FSTL5: variants seen among roughly 807,000 people sequenced by gnomAD.
FSTL5 encodes follistatin-related protein 5.
In FSTL5, 62 loss-of-function variants were observed where a neutral mutation model predicts 89.1. The observed-to-expected ratio is 0.70, with a 90% CI of 0.57 to 0.86. FSTL5 has a LOEUF of 0.86. FSTL5 is among the 40% of genes least tolerant of loss of function. The pLI is 0.00. For synonymous variants in FSTL5, 383 were observed against 346.2 expected, an observed-to-expected ratio of 1.11 and a Z score of -1.18; for missense variants, 1,057 against 1,001.6, an observed-to-expected ratio of 1.06 and a Z score of -0.75.
chr4:161,582,774 T>A (rs771721639), intron 8 of FSTL5, among the ~76,000 whole-genome samples: 25 of 152,218 alleles, frequency 1.6e-4, no homozygotes, highest in Non-Finnish European at 3.2e-4. Context: ...GTTAACATAA[T>A]CTTTATATTG....
chr4:161,469,278 T>C (rs1733852777), intron 13 of FSTL5, among the ~76,000 whole-genome samples: 1 of 152,218 alleles, frequency 6.6e-6, no homozygotes, highest in Non-Finnish European at 1.5e-5. Context: ...GGCTGTATAA[T>C]ATTCCATTGC....
chr4:161,893,521 A>G (rs1003280101), intron 4 of FSTL5, among the ~76,000 whole-genome samples: 1 of 152,176 alleles, frequency 6.6e-6, no homozygotes, highest in Non-Finnish European at 1.5e-5. Flanking sequence ...AACCACTGGC[A>G]TTATCAGAAT....
chr4:161,975,087 A>C (rs359482), intron 3 of FSTL5, among the ~76,000 whole-genome samples: 27,335 of 132,956 alleles, frequency 0.21, 3,062 homozygotes, highest in African/African-American at 0.36. Context: ...GGCAATCATT[A>C]AAAAGTCAGG....
intron 6 of FSTL5, among the ~76,000 whole-genome samples, chr4:161,700,407 A>G (rs1018597646): frequency 4.6e-5 from 7 of 152,206 alleles, no homozygotes; most frequent in Non-Finnish European, 1.0e-4. Flanking sequence ...AAAAAGAATT[A>G]TATGCCTACT....
At chr4:162,080,547 T>C (rs1217420110) in intron 2 of FSTL5, among the ~76,000 whole-genome samples, 1 of 151,696 alleles carries the variant, frequency 6.6e-6, no homozygotes, top group African/African-American at 2.4e-5. Flanking sequence ...TAAAGTTTTA[T>C]AAACTGTGCC....
chr4:161,655,570 C>G (rs1013759631), intron 7 of FSTL5, among the ~76,000 whole-genome samples: 9 of 152,028 alleles, frequency 5.9e-5, no homozygotes, highest in African/African-American at 2.2e-4. Context: ...TTTTTAAAAT[C>G]CTTTCTTATT....
At chr4:161,774,036 T>C (rs535415674) in intron 5 of FSTL5, among the ~76,000 whole-genome samples, 22 of 152,096 alleles carry the variant, frequency 1.4e-4, no homozygotes, top group Non-Finnish European at 2.2e-4. Flanking sequence ...ACGAGACTGG[T>C]GGATCACGAG....
chr4:162,014,661 G>A (rs1036019633), intron 3 of FSTL5, among the ~76,000 whole-genome samples: 3 of 152,172 alleles, frequency 2.0e-5, no homozygotes, highest in Non-Finnish European at 2.9e-5. Flanking sequence ...GATTATCCAA[G>A]TCAAGAAAGT....
chr4:161,399,502 A>C (rs1731109512), intron 15 of FSTL5, among the ~76,000 whole-genome samples: 2 of 152,140 alleles, frequency 1.3e-5, no homozygotes, highest in African/African-American at 4.8e-5. Flanking sequence ...ATAGTCTAAA[A>C]CGGCAGGCAA....
intron 11 of FSTL5, among the ~76,000 whole-genome samples, chr4:161,510,075 T>G (rs922513308): frequency 6.6e-6 from 1 of 152,188 alleles, no homozygotes; most frequent in Non-Finnish European, 1.5e-5. Flanking sequence ...ATAAATATTC[T>G]TACTCTGCAT....
At chr4:161,440,212 C>T (rs1578976075) in intron 15 of FSTL5, among the ~76,000 whole-genome samples, 1 of 152,160 alleles carries the variant, frequency 6.6e-6, no homozygotes, top group Non-Finnish European at 1.5e-5. Flanking sequence ...GTAAGAGATT[C>T]GCCAACACAC....
chr4:161,843,063 G>A (rs112651215), intron 4 of FSTL5, among the ~76,000 whole-genome samples: 26 of 152,224 alleles, frequency 1.7e-4, no homozygotes, highest in Middle Eastern at 3.4e-3. Flanking sequence ...ATTGTTTGCT[G>A]AGCAGTATCA....
At chr4:161,797,158 C>G (rs1434611) in intron 4 of FSTL5, among the ~76,000 whole-genome samples, 111,927 of 151,434 alleles carry the variant, frequency 0.74, 41,381 homozygotes, top group Admixed American at 0.76. Flanking sequence ...TATTAGGTCT[C>G]AACATAAACA....
chr4:161,954,537 T>A (rs868677353), intron 3 of FSTL5, among the ~76,000 whole-genome samples: 1 of 151,674 alleles, frequency 6.6e-6, no homozygotes, highest in Non-Finnish European at 1.5e-5. Context: ...TGCATGTGTG[T>A]ATGTTTGTAA....
intron 3 of FSTL5, among the ~76,000 whole-genome samples, chr4:161,944,353 T>C (rs1271114707): frequency 6.6e-6 from 1 of 152,082 alleles, no homozygotes; most frequent in African/African-American, 2.4e-5. Flanking sequence ...CTATTTTACA[T>C]TTATAATTAA....
At chr4:161,399,104 G>A (rs1340949510) in intron 15 of FSTL5, among the ~76,000 whole-genome samples, 2 of 152,090 alleles carry the variant, frequency 1.3e-5, no homozygotes, top group African/African-American at 4.8e-5. Context: ...CGAAGTCTGT[G>A]CATGGACTGA....
chr4:161,813,107 A>C (rs999611907), intron 4 of FSTL5, among the ~76,000 whole-genome samples: 1 of 151,688 alleles, frequency 6.6e-6, no homozygotes, highest in South Asian at 2.1e-4. Context: ...GCTAACTGCA[A>C]CCTCTGTCTC....
At chr4:161,776,193 G>T (rs1383052795) in intron 4 of FSTL5, 119 bp from the exon 5 acceptor site, 2 of 538,850 alleles carry the variant, frequency 3.7e-6, no homozygotes, top group Non-Finnish European at 5.9e-6. Context: ...TTACTTTTCT[G>T]GTGTTTTACG....
In FSTL5 at chr4:162,163,694, C is replaced by A. The variant is rs1733784198; in HGVS notation, c.-96G>T. 1 of 149,170 alleles carries A rather than the reference C, an allele frequency of 6.7e-6. No homozygotes were observed. Among genetic ancestry groups the A allele is most frequent in the African/African-American group, 2.5e-5 (1 of 40,620 alleles). The allele number at this position is 149,170 out of a possible 1,614,324, so 9.2% of individuals were successfully genotyped here. On this transcript the variant is annotated 5_prime_UTR_variant, in exon 1 of 16. Coordinates refer to ENST00000306100, the MANE Select transcript of FSTL5 (RefSeq NM_020116.5). ...TATAAATCACAATAAAAAAAAAAAA[C>A]TCTCAAAAGATCGTCTTAGCTGGGG...
Sources: gnomAD v4.1 joint callset for allele counts (sites outside exome capture counted in the v4.1 genomes callset) on GRCh38, gnomAD v4.1.1 for gene constraint, MANE v1.5 for transcripts, NCBI Gene and HGNC (gene_info 2026-07-23, HGNC 2026-07-21) for gene names.